The following CLOCK variants were observed in gnomAD, a reference collection of about 807,000 sequenced individuals.
CLOCK encodes clock circadian regulator, also known as circadian locomoter output cycles protein kaput.
Under a neutral mutation model 118.4 loss-of-function variants are expected in CLOCK, and 43 were observed. That is an observed-to-expected ratio of 0.36 (90% CI 0.28 to 0.47). The LOEUF is 0.47. CLOCK is among the 20% of genes least tolerant of loss of function. The pLI is 1.00. For missense variants in CLOCK, 846 were observed against 999.9 expected (o/e 0.85, Z 2.08); for synonymous variants, 326 against 339.2 (o/e 0.96, Z 0.43).
Position 55,453,047 on chromosome 4 carries a change from A to C in CLOCK, c.1206+7T>G. The C allele has an allele frequency of 6.3e-7, 1 of 1,598,078 alleles. No homozygotes were observed. Among genetic ancestry groups the C allele is most frequent in the Non-Finnish European group, 8.6e-7 (1 of 1,167,856 alleles). ...AAAATAATTTTTTTTAATTATAAGA[A>C]ACATACTTTGTCAGCAGCTGTCTCA... On this transcript the variant is annotated splice_region_variant and intron_variant, in intron 15 of 22. Transcript: ENST00000513440.
intron 1 of CLOCK, among the ~76,000 whole-genome samples, chr4:55,526,870 C>T (rs1205890723): frequency 6.8e-6 from 1 of 147,476 alleles, no homozygotes; most frequent in South Asian, 2.2e-4. Flanking sequence ...TGGCATGAAC[C>T]CGGGAGGCGG....
At chr4:55,464,487 T>C (rs1725594934) in intron 8 of CLOCK, among the ~76,000 whole-genome samples, 3 of 152,290 alleles carry the variant, frequency 2.0e-5, no homozygotes, top group South Asian at 4.1e-4. Flanking sequence ...AAAACTTCCA[T>C]GACTTTACAT....
intron 4 of CLOCK, among the ~76,000 whole-genome samples, chr4:55,480,890 C>CAAAA (rs60541884): frequency 6.9e-6 from 1 of 143,930 alleles, no homozygotes; most frequent in Non-Finnish European, 1.5e-5. Context: ...GACTCTGTCT[C>CAAAA]AAAAAAAAAA....
At chr4:55,542,579 A>G (rs1731351132) in intron 1 of CLOCK, among the ~76,000 whole-genome samples, 1 of 151,950 alleles carries the variant, frequency 6.6e-6, no homozygotes, top group South Asian at 2.1e-4. Flanking sequence ...ACCTGGTTTA[A>G]AACAAACCCT....
intron 1 of CLOCK, among the ~76,000 whole-genome samples, chr4:55,518,577 T>C (rs1476633564): frequency 2.0e-5 from 3 of 152,182 alleles, no homozygotes; most frequent in African/African-American, 7.2e-5. Context: ...TATTAAGACA[T>C]GGGGCCTTTG....
intron 2 of CLOCK, among the ~76,000 whole-genome samples, chr4:55,509,304 T>C (rs1728997222): frequency 6.6e-6 from 1 of 152,234 alleles, no homozygotes; most frequent in African/African-American, 2.4e-5. Context: ...AAAATAAGAA[T>C]GGCTAATGTT....
At chr4:55,444,099 G>A (rs80190691) in intron 19 of CLOCK, among the ~76,000 whole-genome samples, 2,573 of 152,246 alleles carry the variant, frequency 0.017, 71 homozygotes, top group African/African-American at 0.058. Flanking sequence ...GTTTCCAATT[G>A]TTAGAAAAAG....
intron 2 of CLOCK, among the ~76,000 whole-genome samples, chr4:55,507,283 G>A (rs1728872004): frequency 6.6e-6 from 1 of 152,098 alleles, no homozygotes. Flanking sequence ...ACTCTGGCGT[G>A]GGTGACAGAG....
intron 15 of CLOCK, chr4:55,452,425 G>A (rs1157666486): frequency 6.6e-6 from 1 of 152,470 alleles, no homozygotes; most frequent in East Asian, 1.9e-4. Flanking sequence ...TGAACTTTGA[G>A]ATGACTGTGG....
Position 55,526,095 on chromosome 4 carries a change from T to C in CLOCK, c.-289-16030A>G, listed in dbSNP as rs542050508. Among the ~76,000 whole-genome samples the C allele has an allele frequency of 4.5e-4, 69 of 152,216 alleles. No individual in the cohort carries two copies. The South Asian group carries it at 0.014, about 30-fold the overall frequency. The stretch of plus-strand genomic sequence containing the variant: ...AGTATACTATAAATATTCCACAATC[T>C]GAAAAAATACGAAATCCGAAACGCT... On this transcript the variant is annotated intron_variant, in intron 1 of 22. Transcript: ENST00000513440.
At chr4:55,492,619 T>G (rs1350618296) in intron 2 of CLOCK, among the ~76,000 whole-genome samples, 2 of 151,960 alleles carry the variant, frequency 1.3e-5, no homozygotes, top group Non-Finnish European at 2.9e-5. Context: ...CTAAGGTGGG[T>G]AGATCACTTG....
chr4:55,435,724 T>C (rs1278132601), intron 22 of CLOCK, 130 bp from the exon 23 acceptor site: 11 of 922,408 alleles, frequency 1.2e-5, no homozygotes, highest in African/African-American at 1.6e-5. Flanking sequence ...TCACTTTCAC[T>C]CTCTGGTTTA....
rs971188509 is a variant in CLOCK, at chr4:55,433,560, T to C, written c.*1855A>G. 2.0e-5 allele frequency: 3 copies of C among 152,210 alleles called. No homozygotes were observed. Among genetic ancestry groups the C allele is most frequent in the Admixed American group, 1.3e-4 (2 of 15,276 alleles). The allele number at this position is 152,210 out of a possible 1,614,324, so 9.4% of individuals were successfully genotyped here. ...TTCATTATTCAGAACCTTTTCTGTT[T>C]TAACAACCTCAACTCTGTTACACAT... On this transcript the variant is annotated 3_prime_UTR_variant, in exon 23 of 23. Transcript: ENST00000513440.
intron 2 of CLOCK, among the ~76,000 whole-genome samples, chr4:55,495,256 A>T (rs1021074472): frequency 6.6e-6 from 1 of 152,026 alleles, no homozygotes; most frequent in Non-Finnish European, 1.5e-5. Flanking sequence ...TGTCTTCTGG[A>T]ACTCATGGTA....
intron 13 of CLOCK, 130 bp from the exon 14 acceptor site, chr4:55,453,954 T>C (rs1724697728): frequency 8.8e-6 from 6 of 682,716 alleles, no homozygotes; most frequent in Non-Finnish European, 1.2e-5. Flanking sequence ...ATAACATATA[T>C]GTCAATATGA....
chr4:55,445,934 G>A (rs1179892344), intron 18 of CLOCK, among the ~76,000 whole-genome samples: 3 of 151,614 alleles, frequency 2.0e-5, no homozygotes, highest in Admixed American at 6.6e-5. Flanking sequence ...ACTTCTTTTA[G>A]GAGTTAATCC....
intron 1 of CLOCK, among the ~76,000 whole-genome samples, chr4:55,539,572 CAAAAAAAAAAA>C (rs57022769): frequency 2.9e-4 from 15 of 52,064 alleles, no homozygotes; most frequent in African/African-American, 9.7e-4. Flanking sequence ...GACCTTGTCT[CAAAAAAAAAAA>C]AAAAAAAAAA....
At position 55,502,349 on chromosome 4, in the gene CLOCK, A is replaced by AGTAT. The variant is rs374437604; in HGVS notation, c.-136+7559_-136+7562dup. Among the ~76,000 whole-genome samples, 517 of 152,318 alleles carry AGTAT rather than the reference A, an allele frequency of 3.4e-3. 1 individual carries two copies. Among genetic ancestry groups the AGTAT allele is most frequent in the African/African-American group, 0.011 (472 of 41,570 alleles). On this transcript the variant is annotated intron_variant, in intron 2 of 22. Coordinates refer to ENST00000513440, the MANE Select transcript of CLOCK (RefSeq NM_004898.4). ...ATTATAAAGCTACAGTAATTAAAAG[A>AGTAT]GTATGGCAATGGCATGACAGACCAA...
chr4:55,436,043 T>C (rs1480351724), intron 22 of CLOCK, among the ~76,000 whole-genome samples: 1 of 152,190 alleles, frequency 6.6e-6, no homozygotes, highest in Non-Finnish European at 1.5e-5. Flanking sequence ...TGGTGGGCCC[T>C]GAGGTAGACT....
Sources: allele counts gnomAD v4.1 joint callset (sites outside exome capture counted in the v4.1 genomes callset), GRCh38; gene constraint gnomAD v4.1.1; transcripts MANE v1.5; gene names NCBI Gene and HGNC (gene_info 2026-07-23, HGNC 2026-07-21).